Variants in PIAS2 observed in about 807,000 individuals in gnomAD.
The protein encoded by PIAS2 is protein inhibitor of activated STAT 2.
In PIAS2, 19 loss-of-function variants were observed where a neutral mutation model predicts 69.7. The observed-to-expected ratio is 0.27, with a 90% CI of 0.19 to 0.40. The LOEUF (loss-of-function observed/expected upper bound fraction) is 0.40, where lower values mean the gene tolerates loss of function less well. Ranked by LOEUF, PIAS2 falls within the 10% of genes least tolerant of loss-of-function variation. The probability of loss-of-function intolerance (pLI) is 1.00; values close to 1 mark genes in which losing one functional copy is unlikely to be tolerated. For missense variants in PIAS2, 624 were observed against 757.0 expected, an observed-to-expected ratio of 0.82 and a Z score of 2.06; for synonymous variants, 261 against 263.2, an observed-to-expected ratio of 0.99 and a Z score of 0.08.
intron 8 of PIAS2, among the ~76,000 whole-genome samples, chr18:46,839,410 C>T (rs1283559264): frequency 6.6e-6 from 1 of 151,944 alleles, no homozygotes; most frequent in Non-Finnish European, 1.5e-5. Context: ...AATAACAGAC[C>T]TTGTGAATTT....
At chr18:46,902,754 A>G (rs1460200096) in intron 1 of PIAS2, among the ~76,000 whole-genome samples, 1 of 152,220 alleles carries the variant, frequency 6.6e-6, no homozygotes, top group Admixed American at 6.5e-5. Context: ...AGAAATATTA[A>G]TAGAACAGCC....
intron 11 of PIAS2, among the ~76,000 whole-genome samples, chr18:46,824,408 A>C (rs116485430): frequency 0.013 from 1,935 of 152,306 alleles, 38 homozygotes; most frequent in African/African-American, 0.043. Context: ...ATACCTTCTT[A>C]TTAAGGCAAA....
chr18:46,843,391 C>T (rs970583668), intron 8 of PIAS2, among the ~76,000 whole-genome samples: 1 of 152,202 alleles, frequency 6.6e-6, no homozygotes, highest in African/African-American at 2.4e-5. Flanking sequence ...GGGTTCCCCT[C>T]CAATTCATTC....
Position 46,812,375 on chromosome 18 carries a change from A to C in PIAS2, c.*58T>G. On this transcript the variant is annotated 3_prime_UTR_variant, in exon 14 of 14. Transcript: ENST00000585916. ...AAAAAAAAGAACGTTTCCACAGACTAGAGATCCAAGAAAAAGCAGTTCTGA... is the reference window on the plus strand; with the variant it reads ...AAAAAAAAGAACGTTTCCACAGACTCGAGATCCAAGAAAAAGCAGTTCTGA... The C allele has an allele frequency of 6.1e-4, 588 of 967,596 alleles. No individual in the cohort carries two copies. Among genetic ancestry groups the C allele is most frequent in the Non-Finnish European group, 8.3e-4 (532 of 639,096 alleles). 59.9% of individuals were successfully genotyped at this position (967,596 alleles called of 1,614,324 possible).
At chr18:46,896,410 C>T (rs563705034) in intron 1 of PIAS2, among the ~76,000 whole-genome samples, 3 of 152,228 alleles carry the variant, frequency 2.0e-5, no homozygotes, top group Non-Finnish European at 2.9e-5. Context: ...TCTTGCCCTC[C>T]CTCCACATCC....
chr18:46,890,079 A>G (rs997997154), intron 2 of PIAS2, among the ~76,000 whole-genome samples: 3 of 152,252 alleles, frequency 2.0e-5, no homozygotes, highest in Non-Finnish European at 4.4e-5. Context: ...TAGTGAAATA[A>G]GCCAGTCACA....
Position 46,806,414 on chromosome 18 carries a change from G to A in PIAS2, c.*6019C>T, listed in dbSNP as rs1163837623. 1 of 133,198 alleles carries A rather than the reference G, an allele frequency of 7.5e-6. No individual in the cohort carries two copies. The highest frequency in any genetic ancestry group is 1.5e-5 in the Non-Finnish European group (1 of 64,606). 8.3% of individuals were successfully genotyped at this position (133,198 alleles called of 1,614,324 possible). On this transcript the variant is annotated 3_prime_UTR_variant, in exon 14 of 14. Transcript: ENST00000585916. ...ACTCTGTCACCCAGGCTGGAGTACA[G>A]GGTCATGATCCTGAGTCACTGCAAC... is the stretch of plus-strand genomic sequence containing the variant.
intron 1 of PIAS2, chr18:46,905,798 A>G (rs1039418264): frequency 1.4e-4 from 22 of 152,306 alleles, no homozygotes; most frequent in Admixed American, 1.0e-3. Context: ...CATTCCTCAA[A>G]GAAAACAATA....
At chr18:46,836,154 TTA>T (rs1266200016) in intron 9 of PIAS2, 3 of 465,234 alleles carry the variant, frequency 6.4e-6, no homozygotes, top group African/African-American at 5.8e-5. Context: ...GCAAATCATA[TTA>T]TAGAGATAAA....
chr18:46,846,649 C>T (rs1235770414), intron 6 of PIAS2, 58 bp downstream of exon 6: 1 of 1,477,050 alleles, frequency 6.8e-7, no homozygotes, highest in Non-Finnish European at 9.0e-7. Context: ...AGAAAAAACA[C>T]AGAAAGTCAA....
chr18:46,857,186 G>A (rs1340006304), intron 3 of PIAS2, among the ~76,000 whole-genome samples: 1 of 152,078 alleles, frequency 6.6e-6, no homozygotes, highest in Non-Finnish European at 1.5e-5. Context: ...CCATATCCTT[G>A]ACAATACTGA....
intron 1 of PIAS2, chr18:46,906,086 G>C (rs1228702971): frequency 6.6e-6 from 1 of 151,992 alleles, no homozygotes; most frequent in African/African-American, 2.4e-5. Flanking sequence ...TTACAAAAGA[G>C]AAATAATTTT....
At chr18:46,815,466 TCA>T (rs2041412032) in intron 12 of PIAS2, 117 bp from the exon 13 acceptor site, 1 of 1,549,854 alleles carries the variant, frequency 6.5e-7, no homozygotes, top group Admixed American at 1.9e-5. Flanking sequence ...TACCACTCTG[TCA>T]CAGAGAAGTT....
intron 11 of PIAS2, among the ~76,000 whole-genome samples, chr18:46,821,378 T>C (rs1175704229): frequency 6.6e-6 from 1 of 152,172 alleles, no homozygotes; most frequent in East Asian, 1.9e-4. Flanking sequence ...TCACTTTTAT[T>C]AATATGTATG....
intron 1 of PIAS2, among the ~76,000 whole-genome samples, chr18:46,914,779 T>A (rs564095983): frequency 6.6e-6 from 1 of 152,188 alleles, no homozygotes; most frequent in East Asian, 1.9e-4. Flanking sequence ...ATATGTGGCA[T>A]CCAGATCGGC....
rs775171766 is a variant in PIAS2 at position 46,812,464 on chromosome 18, C to T, written c.1835G>A (p.Ser612Asn). 6.8e-6 allele frequency: 11 copies of T among 1,612,188 alleles called. No individual in the cohort carries two copies. The highest frequency in any genetic ancestry group is 8.5e-6 in the Non-Finnish European group (10 of 1,178,710). The change falls in exon 14 of 14, where the codon AGT becomes AAT. Residue 612 changes from serine (S) to asparagine (N), a missense_variant. Ser to Asn is a conservative substitution (Grantham distance 46). Around this residue, in one of 3 missense-constraint regions of PIAS2, gnomAD observed 241 missense variants for 257.3 expected, o/e 0.94. Coordinates refer to ENST00000585916, the MANE Select transcript of PIAS2 (RefSeq NM_004671.5). ...SETGVITSSGSNIPDIISLD is the reference protein window; with the variant it reads ...SETGVITSSGNNIPDIISLD Reference sequence around the variant, plus strand: ...CAATGAGATGATGTCAGGAATGTTACTTCCACTGCTGGTTATGACCCCTGT... The same window carrying T: ...CAATGAGATGATGTCAGGAATGTTATTTCCACTGCTGGTTATGACCCCTGT...
chr18:46,898,496 T>C lies in PIAS2; in HGVS notation c.25-7442A>G, dbSNP rs372547014. ...ATTTACTATTTACAAATGACAAGAC[T>C]CTCTCTATTAGAAATATAAGACAAT... On this transcript the variant is annotated intron_variant, in intron 1 of 13. Coordinates refer to ENST00000585916, the MANE Select transcript of PIAS2 (RefSeq NM_004671.5). Among the ~76,000 whole-genome samples the C allele has an allele frequency of 3.3e-5, 5 of 152,166 alleles. 1 individual carries two copies. The highest frequency in any genetic ancestry group is 1.2e-4 in the African/African-American group (5 of 41,500).
intron 12 of PIAS2, chr18:46,816,318 T>C: frequency 1.0e-6 from 1 of 956,630 alleles, no homozygotes; most frequent in Non-Finnish European, 1.2e-6. Context: ...TATGAATTTA[T>C]AACTCAAAAA....
chr18:46,886,694 C>A (rs577979245), intron 2 of PIAS2, among the ~76,000 whole-genome samples: 1 of 151,750 alleles, frequency 6.6e-6, no homozygotes, highest in Non-Finnish European at 1.5e-5. Flanking sequence ...AAAATTAGCC[C>A]GGTGTGGTGG....
Sources: gnomAD v4.1 joint callset for allele counts (sites outside exome capture counted in the v4.1 genomes callset) on GRCh38, gnomAD v4.1.1 for gene constraint, gnomAD v4.1.1 regional missense constraint, MANE v1.5 for transcripts, NCBI Gene and HGNC (gene_info 2026-07-23, HGNC 2026-07-21) for gene names.